The following SEC62 variants were observed in gnomAD, a reference collection of about 807,000 sequenced individuals.
SEC62 encodes the protein translocation protein SEC62.
Under a neutral mutation model 47.5 loss-of-function variants are expected in SEC62, and 10 were observed. The observed-to-expected ratio is 0.21, with a 90% CI of 0.13 to 0.36. The LOEUF (loss-of-function observed/expected upper bound fraction) is 0.36, where lower values mean the gene tolerates loss of function less well. Among genes scored for constraint, SEC62 ranks in the 10% least tolerant of loss-of-function variants. The probability of loss-of-function intolerance (pLI) is 1.00; values close to 1 mark genes in which losing one functional copy is unlikely to be tolerated. For synonymous variants in SEC62, 136 were observed against 150.5 expected, an observed-to-expected ratio of 0.90 and a Z score of 0.71; for missense variants, 327 against 464.1, an observed-to-expected ratio of 0.70 and a Z score of 2.71.
At chr3:169,982,334 CCTTT>C in intron 3 of SEC62, among the ~76,000 whole-genome samples, 1 of 152,172 alleles carries the variant, frequency 6.6e-6, no homozygotes, top group African/African-American at 2.4e-5. Context: ...TTTATTTTCT[CCTTT>C]CTTTATTACG....
At chr3:169,979,620 G>GT (rs1341970952) in intron 3 of SEC62, among the ~76,000 whole-genome samples, 2 of 152,038 alleles carry the variant, frequency 1.3e-5, no homozygotes, top group Non-Finnish European at 2.9e-5. Context: ...AAACGGTTCT[G>GT]TTTCCTCTGT....
intron 7 of SEC62, among the ~76,000 whole-genome samples, chr3:169,990,880 GA>G (rs1715233828): frequency 6.6e-6 from 1 of 152,116 alleles, no homozygotes; most frequent in South Asian, 2.1e-4. Flanking sequence ...CAAAATAATG[GA>G]AGACACATAG....
intron 3 of SEC62, among the ~76,000 whole-genome samples, chr3:169,977,377 T>C (rs1422625207): frequency 6.6e-6 from 1 of 152,192 alleles, no homozygotes; most frequent in East Asian, 1.9e-4. Flanking sequence ...AGTCTTTTTT[T>C]CAAAACTTTT....
intron 3 of SEC62, among the ~76,000 whole-genome samples, chr3:169,978,208 G>C (rs1714885075): frequency 6.6e-6 from 1 of 152,156 alleles, no homozygotes; most frequent in African/African-American, 2.4e-5. Context: ...GAACCCGGGA[G>C]GCGGAGCTTG....
intron 1 of SEC62, among the ~76,000 whole-genome samples, chr3:169,969,070 C>T (rs576336136): frequency 6.6e-6 from 1 of 152,086 alleles, no homozygotes; most frequent in East Asian, 1.9e-4. Context: ...GTTTAACTTA[C>T]AAAAAAGATC....
chr3:169,988,796 T>G (rs1715166463), intron 7 of SEC62, among the ~76,000 whole-genome samples: 1 of 152,208 alleles, frequency 6.6e-6, no homozygotes, highest in African/African-American at 2.4e-5. Flanking sequence ...ATAGATGTGC[T>G]TTAAAAATTA....
rs1286009163 is a variant in SEC62, at chr3:169,996,916, A to G, written c.*3853A>G. 2.6e-5 allele frequency: 4 copies of G among 152,220 alleles called. No homozygotes were observed. The highest frequency in any genetic ancestry group is 9.6e-5 in the African/African-American group (4 of 41,464). The allele number at this position is 152,220 out of a possible 1,614,324, so 9.4% of individuals were successfully genotyped here. On this transcript the variant is annotated 3_prime_UTR_variant, in exon 8 of 8. Transcript: ENST00000337002. Reference sequence around the variant, plus strand: ...TCTGTTTCTTATTGGAATCAAGACCAATACCAAGGAGAAATTCCTAGGGAA... The same window carrying G: ...TCTGTTTCTTATTGGAATCAAGACCGATACCAAGGAGAAATTCCTAGGGAA...
At chr3:169,974,595 C>T (rs980664227) in intron 1 of SEC62, among the ~76,000 whole-genome samples, 4 of 152,176 alleles carry the variant, frequency 2.6e-5, no homozygotes, top group Non-Finnish European at 5.9e-5. Flanking sequence ...CTTTCCAAAA[C>T]GACTCTTTGT....
chr3:169,978,366 T>C (rs1217716998), intron 3 of SEC62, among the ~76,000 whole-genome samples: 2 of 152,096 alleles, frequency 1.3e-5, no homozygotes, highest in Non-Finnish European at 2.9e-5. Context: ...AGCAAGCATA[T>C]ATCCAGGGCA....
At chr3:169,981,093 G>C (rs989109014) in intron 3 of SEC62, among the ~76,000 whole-genome samples, 5 of 152,118 alleles carry the variant, frequency 3.3e-5, no homozygotes, top group African/African-American at 1.2e-4. Flanking sequence ...CTCATAAGTA[G>C]TTAATCATTA....
In SEC62 at chr3:169,996,903, T is replaced by G. The variant is rs531208711; in HGVS notation, c.*3840T>G. 6.6e-6 allele frequency: 1 copy of G among 152,346 alleles called. No homozygotes were observed. The highest frequency in any genetic ancestry group is 2.1e-4 in the South Asian group (1 of 4,828). 9.4% of individuals were successfully genotyped at this position (152,346 alleles called of 1,614,324 possible). A position where few individuals can be genotyped will look rare whatever the true frequency, so the allele number is the denominator to read the frequency against. On this transcript the variant is annotated 3_prime_UTR_variant, in exon 8 of 8. Transcript: ENST00000337002. ...ATGTAAAGAACCATCTGTTTCTTAT[T>G]GGAATCAAGACCAATACCAAGGAGA...
chr3:169,987,146 G>T (rs968175434), intron 6 of SEC62, among the ~76,000 whole-genome samples: 2 of 152,116 alleles, frequency 1.3e-5, no homozygotes, highest in Non-Finnish European at 1.5e-5. Context: ...ACTCTTTAAG[G>T]CTGGGCTCAG....
intron 1 of SEC62, chr3:169,969,352 T>C: frequency 2.2e-6 from 1 of 456,686 alleles, no homozygotes; most frequent in Non-Finnish European, 4.4e-6. Context: ...CATTTCCTTC[T>C]TGGACTCATT....
At chr3:169,982,654 T>C in intron 3 of SEC62, 53 bp from the exon 4 acceptor site, 3 of 1,589,054 alleles carry the variant, frequency 1.9e-6, no homozygotes, top group Non-Finnish European at 2.6e-6. Context: ...TATTTTTGCT[T>C]TTCAGTCTCT....
chr3:169,978,270 CATT>C (rs1714887914), intron 3 of SEC62, among the ~76,000 whole-genome samples: 1 of 152,072 alleles, frequency 6.6e-6, no homozygotes, highest in African/African-American at 2.4e-5. Context: ...CAGAGTGAGA[CATT>C]GTTGAGACAA....
chr3:169,972,580 C>CTTTTTTT (rs11391826), intron 1 of SEC62, among the ~76,000 whole-genome samples: 3 of 114,956 alleles, frequency 2.6e-5, no homozygotes, highest in Non-Finnish European at 5.2e-5. Context: ...CTTTTTCTAT[C>CTTTTTTT]TTTTTTTTTT....
chr3:169,983,432 A>G (rs577996203), intron 5 of SEC62, 179 bp downstream of exon 5: 1 of 421,380 alleles, frequency 2.4e-6, no homozygotes. Flanking sequence ...TAAAAGTCAG[A>G]TTTGACTGTG....
At chr3:169,990,072 A>G (rs1034856793) in intron 7 of SEC62, among the ~76,000 whole-genome samples, 3 of 148,338 alleles carry the variant, frequency 2.0e-5, no homozygotes, top group Non-Finnish European at 4.5e-5. Context: ...ATATTATATG[A>G]TATCTCATAT....
At chr3:169,988,967 T>G (rs1308413831) in intron 7 of SEC62, among the ~76,000 whole-genome samples, 4 of 152,076 alleles carry the variant, frequency 2.6e-5, no homozygotes. Flanking sequence ...TTTGCCATTT[T>G]GGGAAAAATC....
Sources: gnomAD v4.1 joint callset for allele counts (sites outside exome capture counted in the v4.1 genomes callset) on GRCh38, gnomAD v4.1.1 for gene constraint, MANE v1.5 for transcripts, NCBI Gene and HGNC (gene_info 2026-07-23, HGNC 2026-07-21) for gene names.